Variants in NTAQ1 observed in about 807,000 individuals in gnomAD.
The protein encoded by NTAQ1 is N-terminal glutamine amidase 1, also known as protein N-terminal glutamine amidohydrolase.
NTAQ1 carries 21 observed loss-of-function variants against 28.2 expected under a neutral mutation model. That is an observed-to-expected ratio of 0.74 (90% CI 0.53 to 1.07). The LOEUF (loss-of-function observed/expected upper bound fraction) is 1.07, where lower values mean the gene tolerates loss of function less well. Among genes scored for constraint, NTAQ1 ranks in the 50% least tolerant of loss-of-function variants. The pLI, the probability that NTAQ1 is intolerant of heterozygous loss-of-function variation, is 0.00. For missense variants in NTAQ1, 264 were observed against 256.6 expected (o/e 1.03, Z -0.20); for synonymous variants, 105 against 90.0 (o/e 1.17, Z -0.94).
chr8:123,432,701 A>G (rs763299113), intron 3 of NTAQ1, among the ~76,000 whole-genome samples: 2 of 139,778 alleles, frequency 1.4e-5, no homozygotes, highest in Non-Finnish European at 3.1e-5. Context: ...TTTTTTTGAG[A>G]TGGAGTCTCA....
At chr8:123,458,592 G>A (rs1372309714) in intron 6 of NTAQ1, among the ~76,000 whole-genome samples, 2 of 151,694 alleles carry the variant, frequency 1.3e-5, no homozygotes, top group Non-Finnish European at 2.9e-5. Context: ...TTTAGCAGAT[G>A]TGTGAGACAG....
chr8:123,425,089 A>G (rs938601345), intron 1 of NTAQ1, among the ~76,000 whole-genome samples: 1 of 152,056 alleles, frequency 6.6e-6, no homozygotes, highest in Non-Finnish European at 1.5e-5. Context: ...ATGTTGAAAC[A>G]GTCAATAAAA....
chr8:123,458,276 G>A (rs1378038486), intron 6 of NTAQ1, among the ~76,000 whole-genome samples: 5 of 149,374 alleles, frequency 3.3e-5, no homozygotes, highest in African/African-American at 9.9e-5. Flanking sequence ...CTTGAAACAA[G>A]TATAGCCTCA....
intron 6 of NTAQ1, among the ~76,000 whole-genome samples, chr8:123,447,624 A>G (rs1320072709): frequency 1.3e-5 from 2 of 152,132 alleles, no homozygotes; most frequent in Admixed American, 6.6e-5. Flanking sequence ...CAAATTAAGG[A>G]AAAAAAGCAC....
chr8:123,469,191 G>T (rs1410687100), exon 7 of NTAQ1, among the ~76,000 whole-genome samples: 1 of 152,100 alleles, frequency 6.6e-6, no homozygotes, highest in East Asian at 1.9e-4. Context: ...TATATTGATT[G>T]TATCTTTTGG....
chr8:123,422,606 G>GTTTTTT (rs112284256), intron 1 of NTAQ1, among the ~76,000 whole-genome samples: 2,401 of 134,216 alleles, frequency 0.018, 79 homozygotes, highest in African/African-American at 0.063. Flanking sequence ...TCCATTGATA[G>GTTTTTT]TTTTTTTTTT....
chr8:123,461,694 T>C (rs1413674325), intron 6 of NTAQ1, among the ~76,000 whole-genome samples: 1 of 152,156 alleles, frequency 6.6e-6, no homozygotes, highest in African/African-American at 2.4e-5. Flanking sequence ...GATAACTTTG[T>C]ATATTCAAGA....
chr8:123,458,882 A>T (rs780140002), intron 6 of NTAQ1, among the ~76,000 whole-genome samples: 2 of 152,134 alleles, frequency 1.3e-5, no homozygotes, highest in Non-Finnish European at 2.9e-5. Flanking sequence ...GGCCTCCCAA[A>T]GTGCTGGGAT....
rs1176743646 is a variant in NTAQ1, at chr8:123,416,901, C to G, written c.52C>G (p.Arg18Gly). ...AVHYQPASPPRDACVYSSCYC... is the reference protein window; with the variant it reads ...AVHYQPASPPGDACVYSSCYC... ...CCACTACCAGCCGGCCAGCCCCCCG[C>G]GGGACGCCTGCGTCTACAGCAGCTG... The change falls in exon 1 of 6, where the codon CGG becomes GGG. Residue 18 changes from arginine to glycine, a missense_variant. Transcript: ENST00000287387. The G allele has an allele frequency of 2.0e-6, 3 of 1,525,680 alleles. No individual in the cohort carries two copies. The highest frequency in any genetic ancestry group is 2.6e-6 in the Non-Finnish European group (3 of 1,137,552). The allele number at this position is 1,525,680 out of a possible 1,614,324, so 94.5% of individuals were successfully genotyped here. A position where few individuals can be genotyped will look rare whatever the true frequency, so the allele number is the denominator to read the frequency against.
intron 6 of NTAQ1, among the ~76,000 whole-genome samples, chr8:123,462,328 A>G (rs541192981): frequency 6.6e-6 from 1 of 152,292 alleles, no homozygotes; most frequent in East Asian, 1.9e-4. Context: ...GATTACAGGC[A>G]TGAGCCACCG....
Position 123,469,831 on chromosome 8 carries a change from A to G in NTAQ1, c.*2681A>G, listed in dbSNP as rs570905188. Among the ~76,000 whole-genome samples the G allele has an allele frequency of 3.9e-5, 6 of 152,354 alleles. No homozygotes were observed. In the South Asian group the frequency reaches 6.2e-4, roughly 16 times the overall value. On this transcript the variant is annotated 3_prime_UTR_variant, in exon 7 of 7. Coordinates refer to the NTAQ1 transcript ENST00000650311. ...GCAAGTCTCTGCTGTCTGTGAGTCT[A>G]TGCAGAATCTCGTCTTCCGTTAGAA...
At chr8:123,441,252 G>C (rs967271865) in intron 5 of NTAQ1, 54 bp from the exon 6 acceptor site, 2 of 1,478,520 alleles carry the variant, frequency 1.4e-6, no homozygotes, top group African/African-American at 2.8e-5. Context: ...TTTTATTGCT[G>C]TTAAACCAAA....
intron 4 of NTAQ1, among the ~76,000 whole-genome samples, 186 bp downstream of exon 4, chr8:123,436,787 T>C (rs1273995882): frequency 1.3e-5 from 2 of 152,216 alleles, no homozygotes; most frequent in Non-Finnish European, 2.9e-5. Context: ...TTAAAAGTTA[T>C]CTATCATATG....
At chr8:123,438,757 A>G (rs1814873271) in intron 5 of NTAQ1, among the ~76,000 whole-genome samples, 1 of 152,164 alleles carries the variant, frequency 6.6e-6, no homozygotes, top group Non-Finnish European at 1.5e-5. Context: ...ACTGAACACT[A>G]AGAGAGGGTT....
exon 7 of NTAQ1, among the ~76,000 whole-genome samples, chr8:123,469,673 A>C (rs1816022802): frequency 6.6e-6 from 1 of 152,350 alleles, no homozygotes; most frequent in Non-Finnish European, 1.5e-5. Flanking sequence ...GACCTAGTTA[A>C]ACCTTTTCTT....
chr8:123,428,905 T>A (rs1324207798), intron 2 of NTAQ1, among the ~76,000 whole-genome samples: 1 of 152,130 alleles, frequency 6.6e-6, no homozygotes, highest in East Asian at 1.9e-4. Flanking sequence ...CCTGGCCATT[T>A]TTTTTTCTTT....
intron 1 of NTAQ1, among the ~76,000 whole-genome samples, chr8:123,421,018 C>G (rs1813651880): frequency 6.6e-6 from 1 of 151,126 alleles, no homozygotes; most frequent in Non-Finnish European, 1.5e-5. Context: ...ATCTCTTGAC[C>G]TCTTGGTCTG....
intron 6 of NTAQ1, among the ~76,000 whole-genome samples, chr8:123,456,727 T>C (rs1317942778): frequency 6.6e-6 from 1 of 152,226 alleles, no homozygotes; most frequent in Admixed American, 6.5e-5. Context: ...ACTTAAATGA[T>C]TTTTACACCT....
chr8:123,434,289 G>A (rs530722976), intron 3 of NTAQ1, among the ~76,000 whole-genome samples: 20 of 152,180 alleles, frequency 1.3e-4, no homozygotes, highest in African/African-American at 4.8e-4. Context: ...CTGCAGTTCA[G>A]CAGCACAGTC....
Sources: gnomAD v4.1 joint callset for allele counts (sites outside exome capture counted in the v4.1 genomes callset) on GRCh38, gnomAD v4.1.1 for gene constraint, MANE v1.5 for transcripts, NCBI Gene and HGNC (gene_info 2026-07-23, HGNC 2026-07-21) for gene names.